The following MEGF11 variants were observed in gnomAD, a reference collection of about 807,000 sequenced individuals.
The protein encoded by MEGF11 is multiple epidermal growth factor-like domains protein 11.
Under a neutral mutation model 146.6 loss-of-function variants are expected in MEGF11, and 126 were observed. The observed-to-expected ratio is 0.86, with a 90% CI of 0.74 to 1.00. The LOEUF (loss-of-function observed/expected upper bound fraction) is 1.00. Ranked by LOEUF, MEGF11 falls within the 50% of genes least tolerant of loss-of-function variation. The pLI is 0.00. For missense variants in MEGF11, 1,509 were observed against 1,521.2 expected (o/e 0.99, Z 0.13); for synonymous variants, 532 against 583.4 (o/e 0.91, Z 1.27).
At chr15:66,061,683 T>G (rs1045750913) in intron 5 of MEGF11, among the ~76,000 whole-genome samples, 2 of 149,414 alleles carry the variant, frequency 1.3e-5, no homozygotes, top group African/African-American at 4.9e-5. Flanking sequence ...TCACCCAGGC[T>G]GGGGTGCAGT....
intron 5 of MEGF11, among the ~76,000 whole-genome samples, chr15:66,051,510 G>A (rs2084443934): frequency 1.3e-5 from 2 of 152,206 alleles, no homozygotes; most frequent in Admixed American, 1.3e-4. Flanking sequence ...ACAGAGGGAA[G>A]ACAAGAGTTG....
chr15:66,140,412 C>T (rs2089087688), intron 1 of MEGF11, among the ~76,000 whole-genome samples: 1 of 142,930 alleles, frequency 7.0e-6, no homozygotes, highest in Non-Finnish European at 1.6e-5. Context: ...GAGGCAGGGG[C>T]AGGTTTCCCG....
intron 24 of MEGF11, among the ~76,000 whole-genome samples, chr15:65,900,085 C>CT (rs2078458000): frequency 6.6e-6 from 1 of 152,152 alleles, no homozygotes; most frequent in South Asian, 2.1e-4. Context: ...GCAGTAAACT[C>CT]TAATCTAGCA....
chr15:65,957,756 G>T, intron 9 of MEGF11, 35 bp from the exon 10 acceptor site: 1 of 1,607,020 alleles, frequency 6.2e-7, no homozygotes, highest in East Asian at 2.2e-5. Flanking sequence ...AAGACAGCTT[G>T]TTCTGGGAAG....
At position 65,982,360 on chromosome 15, in the gene MEGF11, G is replaced by T. The variant is rs1240647979; in HGVS notation, c.523C>A (p.Leu175Ile). 6.5e-7 allele frequency: 1 copy of T among 1,534,598 alleles called. No homozygotes were observed. The highest frequency in any genetic ancestry group is 8.7e-7 in the Non-Finnish European group (1 of 1,142,904). The change falls in exon 6 of 26, where the codon CTC becomes ATC. Residue 175 changes from leucine to isoleucine, a missense_variant. Leu to Ile is a conservative substitution (Grantham distance 5). Transcript: ENST00000395614. This position sits in a 1 kb window ranked among gnomAD's most constrained non-coding sequence, Gnocchi z 5.6. ...TTGCCGTGGGTGCCAGGTGCGCAGAGCTCCTCGCAGCGCCATCCACGGAAG... is the reference window on the plus strand; with the variant it reads ...TTGCCGTGGGTGCCAGGTGCGCAGATCTCCTCGCAGCGCCATCCACGGAAG... ...AGFRGWRCEE[L>I]CAPGTHGKGC...
At chr15:66,078,600 C>T (rs1001137886) in intron 5 of MEGF11, among the ~76,000 whole-genome samples, 8 of 152,222 alleles carry the variant, frequency 5.3e-5, no homozygotes, top group African/African-American at 1.9e-4. Flanking sequence ...GTTCTAGGGA[C>T]ATCCTGCAGG....
intron 5 of MEGF11, among the ~76,000 whole-genome samples, chr15:66,023,148 A>AAAC (rs1567206472): frequency 2.0e-5 from 3 of 150,900 alleles, no homozygotes; most frequent in South Asian, 4.2e-4. Flanking sequence ...CTCAAAAAAA[A>AAAC]AAAAAAACAA....
At chr15:65,923,248 T>C (rs1370691000) in intron 13 of MEGF11, among the ~76,000 whole-genome samples, 1 of 152,192 alleles carries the variant, frequency 6.6e-6, no homozygotes, top group African/African-American at 2.4e-5. Flanking sequence ...TGAAAGAAAT[T>C]ACAAATAGCA....
At chr15:65,949,850 CT>C (rs1384728223) in intron 10 of MEGF11, among the ~76,000 whole-genome samples, 2 of 152,286 alleles carry the variant, frequency 1.3e-5, no homozygotes, top group African/African-American at 4.8e-5. Flanking sequence ...TAGGTGAGGC[CT>C]TAATTAAGGA....
At chr15:66,084,612 C>T (rs141192738) in intron 5 of MEGF11, among the ~76,000 whole-genome samples, 105 of 152,156 alleles carry the variant, frequency 6.9e-4, no homozygotes, top group African/African-American at 2.4e-3. Context: ...GTTAGAGAGC[C>T]GAGTAAAATA....
intron 1 of MEGF11, among the ~76,000 whole-genome samples, chr15:66,219,061 A>G (rs1245322733): frequency 6.6e-6 from 1 of 151,058 alleles, no homozygotes; most frequent in African/African-American, 2.4e-5. Context: ...ATAGGGAGAG[A>G]TGTAATGTTT....
intron 13 of MEGF11, among the ~76,000 whole-genome samples, chr15:65,928,094 C>T (rs1398252465): frequency 2.0e-5 from 3 of 152,198 alleles, no homozygotes; most frequent in South Asian, 2.1e-4. Flanking sequence ...GATATAAGGA[C>T]CAGGATTCTG....
In MEGF11 at chr15:66,046,715, G is replaced by A. The variant is rs79701683; in HGVS notation, c.394+47687C>T. ...AAGAGAGAGCCCAGAGCAGTGATGA[G>A]GAGAGATGCAGCCCCTGAGCCTCAA... On this transcript the variant is annotated intron_variant, in intron 5 of 25. Transcript: ENST00000395614. 9.8e-4 allele frequency among the ~76,000 whole-genome samples: 150 copies of A among 152,316 alleles called. 2 individuals are homozygous for A. The East Asian group carries it at 0.025, about 25-fold the overall frequency.
intron 5 of MEGF11, among the ~76,000 whole-genome samples, chr15:66,001,900 A>C (rs1226490425): frequency 6.6e-6 from 1 of 152,146 alleles, no homozygotes; most frequent in Non-Finnish European, 1.5e-5. Context: ...TCAGGTGCAC[A>C]ATCAAAAGGC....
chr15:66,159,317 C>A (rs763451263), intron 1 of MEGF11, among the ~76,000 whole-genome samples: 2 of 152,192 alleles, frequency 1.3e-5, no homozygotes, highest in Non-Finnish European at 2.9e-5. Context: ...CTGTGCCCAT[C>A]TTGAAATATT....
intron 1 of MEGF11, among the ~76,000 whole-genome samples, chr15:66,203,299 G>A (rs915616918): frequency 3.9e-5 from 6 of 152,304 alleles, no homozygotes; most frequent in Admixed American, 6.5e-5. Flanking sequence ...TGGTTTTTAC[G>A]GGCATGATAA....
chr15:66,213,127 A>G (rs2091504178), intron 1 of MEGF11, among the ~76,000 whole-genome samples: 1 of 152,190 alleles, frequency 6.6e-6, no homozygotes, highest in Non-Finnish European at 1.5e-5. Flanking sequence ...CAGCTAACTG[A>G]GACCTGAAAT....
rs184649859 is a variant in MEGF11, at chr15:66,232,258, C to G, written c.-9+21347G>C. ...GGCTGTAGAGACCTTCTCTGGCAAC[C>G]CTAGCAACTTCCCAGACCCATAGCT... On this transcript the variant is annotated intron_variant, in intron 1 of 25. Coordinates refer to ENST00000395614, the MANE Select transcript of MEGF11 (RefSeq NM_001385028.1). Among the ~76,000 whole-genome samples, 266 of 152,104 alleles carry G rather than the reference C, an allele frequency of 1.7e-3. 1 individual carries two copies. Among genetic ancestry groups the G allele is most frequent in the African/African-American group, 6.1e-3 (253 of 41,560 alleles).
intron 1 of MEGF11, among the ~76,000 whole-genome samples, chr15:66,249,815 G>A (rs1453649324): frequency 6.6e-6 from 1 of 152,210 alleles, no homozygotes; most frequent in African/African-American, 2.4e-5. Flanking sequence ...TCAGAAACTT[G>A]GGAGTGTGGC....
Sources: gnomAD v4.1 joint callset for allele counts (sites outside exome capture counted in the v4.1 genomes callset) on GRCh38, gnomAD v4.1.1 for gene constraint, Gnocchi (gnomAD v3.1) non-coding constraint, MANE v1.5 for transcripts, NCBI Gene and HGNC (gene_info 2026-07-23, HGNC 2026-07-21) for gene names.